Variants in DGKB observed in about 807,000 individuals in gnomAD.
DGKB encodes the protein 90 kDa diacylglycerol kinase.
Under a neutral mutation model 114.3 loss-of-function variants are expected in DGKB, and 67 were observed. That is an observed-to-expected ratio of 0.59 (90% CI 0.48 to 0.72). The LOEUF is 0.72. Ranked by LOEUF, DGKB falls within the 30% of genes least tolerant of loss-of-function variation. The pLI is 0.00. For synonymous variants in DGKB, 398 were observed against 323.1 expected (o/e 1.23, Z -2.49); for missense variants, 907 against 975.2 (o/e 0.93, Z 0.93).
intron 23 of DGKB, among the ~76,000 whole-genome samples, chr7:14,264,729 T>G (rs150396115): frequency 6.6e-6 from 1 of 152,062 alleles, no homozygotes; most frequent in African/African-American, 2.4e-5. Flanking sequence ...CCAGTATAGG[T>G]GGCAGCTATG....
chr7:14,647,447 C>CA (rs576332424), intron 13 of DGKB, among the ~76,000 whole-genome samples: 58 of 152,084 alleles, frequency 3.8e-4, no homozygotes, highest in South Asian at 1.0e-3. Flanking sequence ...ACTCCAAAAA[C>CA]AAAAAAATAG....
chr7:14,270,834 G>A (rs903532887), intron 23 of DGKB, among the ~76,000 whole-genome samples: 3 of 152,268 alleles, frequency 2.0e-5, no homozygotes, highest in Admixed American at 2.0e-4. Flanking sequence ...CTTTCTGTAG[G>A]GGGGTGGGGT....
chr7:14,172,653 G>T (rs1268500431), intron 25 of DGKB, among the ~76,000 whole-genome samples: 1 of 152,008 alleles, frequency 6.6e-6, no homozygotes, highest in African/African-American at 2.4e-5. Flanking sequence ...GGAGAGATAT[G>T]GGGAGGCAAA....
intron 20 of DGKB, among the ~76,000 whole-genome samples, chr7:14,543,495 T>C (rs1270320335): frequency 6.6e-6 from 1 of 151,444 alleles, no homozygotes; most frequent in Non-Finnish European, 1.5e-5. Flanking sequence ...TACAATAGAG[T>C]TAGAAGTTCT....
At position 14,923,983 on chromosome 7, in the gene DGKB, C is replaced by CAAAAAAAAAA. The variant is rs56032330; in HGVS notation, c.-188+50703_-188+50712dup. 8.4e-3 allele frequency among the ~76,000 whole-genome samples: 641 copies of CAAAAAAAAAA among 76,114 alleles called. 78 individuals carry two copies. The highest frequency in any genetic ancestry group is 0.036 in the East Asian group (50 of 1,384). 49.9% of individuals were successfully genotyped at this position (76,114 alleles called of 152,430 possible). A position where few individuals can be genotyped will look rare whatever the true frequency, so the allele number is the denominator to read the frequency against. ...TGGGCAACACAGTGAAGCTCCATCT[C>CAAAAAAAAAA]AAAAAAAAAAAAAAAAAAAAAGCTT... On this transcript the variant is annotated intron_variant, in intron 1 of 4. Coordinates refer to the DGKB transcript ENST00000437998.
chr7:14,289,679 G>T (rs1801428516), intron 23 of DGKB, among the ~76,000 whole-genome samples: 1 of 147,030 alleles, frequency 6.8e-6, no homozygotes, highest in African/African-American at 2.5e-5. Context: ...TTTTTTAAAA[G>T]TCCCTTTCTT....
At chr7:14,879,467 C>G (rs577646823) in intron 1 of DGKB, among the ~76,000 whole-genome samples, 1 of 152,276 alleles carries the variant, frequency 6.6e-6, no homozygotes, top group African/African-American at 2.4e-5. Context: ...CATACGTTAT[C>G]TTGTCAGGCT....
At chr7:14,721,475 T>C (rs749116485) in intron 5 of DGKB, among the ~76,000 whole-genome samples, 2 of 152,180 alleles carry the variant, frequency 1.3e-5, no homozygotes, top group Non-Finnish European at 2.9e-5. Flanking sequence ...TCATGAAATA[T>C]TGTTAACTGA....
At chr7:14,490,800 T>C (rs1784489706) in intron 20 of DGKB, among the ~76,000 whole-genome samples, 1 of 152,182 alleles carries the variant, frequency 6.6e-6, no homozygotes, top group Non-Finnish European at 1.5e-5. Context: ...AGGGAGTCAG[T>C]GAATTCTGTA....
intron 23 of DGKB, among the ~76,000 whole-genome samples, chr7:14,330,101 C>G (rs901212686): frequency 2.0e-5 from 3 of 151,836 alleles, no homozygotes; most frequent in Non-Finnish European, 2.9e-5. Context: ...AAATCAATAG[C>G]TAGAAATATA....
chr7:14,691,468 C>T (rs572134873), intron 9 of DGKB, among the ~76,000 whole-genome samples: 1 of 152,090 alleles, frequency 6.6e-6, no homozygotes, highest in East Asian at 1.9e-4. Context: ...TAATGTAACA[C>T]ATTAACTGCC....
intron 21 of DGKB, among the ~76,000 whole-genome samples, chr7:14,467,296 T>A (rs1295821493): frequency 6.6e-6 from 1 of 150,598 alleles, no homozygotes; most frequent in Admixed American, 6.6e-5. Flanking sequence ...ATTTTAAATG[T>A]TAATTCCACA....
chr7:14,904,473 C>A (rs1783561414), upstream of DGKB, among the ~76,000 whole-genome samples: 1 of 151,958 alleles, frequency 6.6e-6, no homozygotes, highest in African/African-American at 2.4e-5. Context: ...TAAGAAAAGA[C>A]CCAGAAGGAA....
intron 4 of DGKB, among the ~76,000 whole-genome samples, chr7:14,745,118 G>A (rs1833083073): frequency 6.6e-6 from 1 of 152,146 alleles, no homozygotes; most frequent in Admixed American, 6.5e-5. Flanking sequence ...CCAGTTATCT[G>A]GGCATGCTGA....
At chr7:14,928,319 T>A (rs1033542892) in intron 1 of DGKB, among the ~76,000 whole-genome samples, 1 of 151,930 alleles carries the variant, frequency 6.6e-6, no homozygotes, top group African/African-American at 2.4e-5. Flanking sequence ...TACCTAGTTA[T>A]CCTACTGATA....
intron 20 of DGKB, among the ~76,000 whole-genome samples, chr7:14,545,238 C>T (rs983109323): frequency 5.3e-5 from 8 of 151,732 alleles, no homozygotes; most frequent in Admixed American, 2.0e-4. Flanking sequence ...AAAGACAACT[C>T]GGGGGAAAAA....
At chr7:14,705,222 T>A (rs1213228801) in intron 6 of DGKB, among the ~76,000 whole-genome samples, 2 of 151,722 alleles carry the variant, frequency 1.3e-5, no homozygotes, top group East Asian at 3.9e-4. Flanking sequence ...GTGTCAGCAA[T>A]GGAAGATGAA....
intron 23 of DGKB, among the ~76,000 whole-genome samples, chr7:14,310,188 G>A (rs979234566): frequency 6.6e-6 from 1 of 152,070 alleles, no homozygotes; most frequent in Non-Finnish European, 1.5e-5. Context: ...ATGGACCACT[G>A]GACACTCCAT....
At chr7:14,395,825 A>G (rs1331198454) in intron 21 of DGKB, among the ~76,000 whole-genome samples, 1 of 151,976 alleles carries the variant, frequency 6.6e-6, no homozygotes, top group East Asian at 1.9e-4. Flanking sequence ...TTGAACATCT[A>G]TATATAACCT....
Sources: allele counts gnomAD v4.1 joint callset (sites outside exome capture counted in the v4.1 genomes callset), GRCh38; gene constraint gnomAD v4.1.1; transcripts MANE v1.5; gene names NCBI Gene and HGNC (gene_info 2026-07-23, HGNC 2026-07-21).